LHFPL3: variants seen among roughly 807,000 people sequenced by gnomAD.
The protein encoded by LHFPL3 is LHFPL tetraspan subfamily member 3, also known as LHFPL tetraspan subfamily member 3 protein.
LHFPL3 carries 5 observed loss-of-function variants against 19.3 expected under a neutral mutation model. The ratio of observed to expected loss-of-function variants is 0.26; its 90% CI spans 0.14 to 0.54. The LOEUF (loss-of-function observed/expected upper bound fraction) is 0.54. Ranked by LOEUF, LHFPL3 falls within the 20% of genes least tolerant of loss-of-function variation. The pLI is 0.94. For synonymous variants in LHFPL3, 133 were observed against 126.2 expected (o/e 1.05, Z -0.36); for missense variants, 249 against 307.4 (o/e 0.81, Z 1.42).
At chr7:104,375,572 G>T (rs1163314300) in intron 1 of LHFPL3, among the ~76,000 whole-genome samples, 3 of 152,068 alleles carry the variant, frequency 2.0e-5, no homozygotes, top group Admixed American at 6.5e-5. Context: ...AATCAAAATA[G>T]TATAAAGCTA....
In LHFPL3 at chr7:104,339,248, CA is replaced by C. The variant is rs11384778; in HGVS notation, c.445+10034del. On this transcript the variant is annotated intron_variant, in intron 1 of 2. Transcript: ENST00000424859. Reference sequence around the variant, plus strand: ...GGGCAACAAGAGCGAAACTCCGTCTCAAAAAAAAAAGAAAAGAAATAATAAT... The same window carrying C: ...GGGCAACAAGAGCGAAACTCCGTCTCAAAAAAAAAGAAAAGAAATAATAAT... 8.4e-3 allele frequency among the ~76,000 whole-genome samples: 1,227 copies of C among 146,280 alleles called. 16 individuals carry two copies. The highest frequency in any genetic ancestry group is 0.027 in the African/African-American group (1,087 of 39,876).
chr7:104,780,402 C>T (rs1476607275), intron 2 of LHFPL3, among the ~76,000 whole-genome samples: 1 of 152,168 alleles, frequency 6.6e-6, no homozygotes, highest in African/African-American at 2.4e-5. Context: ...AAATCCAAAC[C>T]TGCCCTGAAG....
chr7:104,563,100 A>C (rs1452624481), intron 1 of LHFPL3, among the ~76,000 whole-genome samples: 1 of 152,074 alleles, frequency 6.6e-6, no homozygotes, highest in East Asian at 1.9e-4. Flanking sequence ...TCAGACAGGG[A>C]CATTTAAGTC....
At chr7:104,670,320 A>G (rs1419620319) in intron 1 of LHFPL3, among the ~76,000 whole-genome samples, 1 of 152,196 alleles carries the variant, frequency 6.6e-6, no homozygotes, top group Admixed American at 6.5e-5. Context: ...CAGCAAACAC[A>G]TGAATGGTTA....
chr7:104,330,806 A>G (rs1801553817), intron 1 of LHFPL3, among the ~76,000 whole-genome samples: 1 of 152,136 alleles, frequency 6.6e-6, no homozygotes, highest in African/African-American at 2.4e-5. Flanking sequence ...CAAGCAGAAT[A>G]ACTAAGATTT....
intron 1 of LHFPL3, among the ~76,000 whole-genome samples, chr7:104,512,597 G>T (rs761961628): frequency 4.5e-4 from 69 of 152,168 alleles, no homozygotes; most frequent in Non-Finnish European, 8.1e-4. Context: ...TTAGCCAGGC[G>T]TGGTGACAGA....
intron 2 of LHFPL3, among the ~76,000 whole-genome samples, chr7:104,838,274 G>T (rs1200688774): frequency 6.6e-6 from 1 of 152,140 alleles, no homozygotes; most frequent in African/African-American, 2.4e-5. Context: ...GGAGGAAATG[G>T]CTAGTTCTGT....
intron 2 of LHFPL3, among the ~76,000 whole-genome samples, chr7:104,814,090 C>T (rs1379997727): frequency 1.3e-5 from 2 of 152,180 alleles, no homozygotes; most frequent in Non-Finnish European, 2.9e-5. Flanking sequence ...TAGAACAGCT[C>T]AGAGGATGCC....
At chr7:104,414,708 T>G (rs1791589994) in intron 1 of LHFPL3, among the ~76,000 whole-genome samples, 2 of 152,238 alleles carry the variant, frequency 1.3e-5, no homozygotes, top group South Asian at 4.1e-4. Flanking sequence ...TTATTGACCT[T>G]CGCAGCTAAG....
At chr7:104,668,339 A>G (rs1792400212) in intron 1 of LHFPL3, 1 of 1,595,246 alleles carries the variant, frequency 6.3e-7, no homozygotes, top group Middle Eastern at 2.2e-4. Context: ...AAACAGATAC[A>G]GACTGGAGGG....
In LHFPL3 at chr7:104,356,250, A is replaced by C. The variant is rs116918936; in HGVS notation, c.445+27026A>C. 1.3e-4 allele frequency among the ~76,000 whole-genome samples: 20 copies of C among 152,342 alleles called. No individual in the cohort carries two copies. In the East Asian group the frequency reaches 3.9e-3, roughly 29 times the overall value. On this transcript the variant is annotated intron_variant, in intron 1 of 2. Coordinates refer to ENST00000424859, the MANE Select transcript of LHFPL3 (RefSeq NM_199000.3). ...AGGCAAGAAGGAGAGTAGAGTAGAT[A>C]AAAGAACCTCCTTTCTTGTTTCCTG... is the stretch of plus-strand genomic sequence containing the variant.
intron 1 of LHFPL3, among the ~76,000 whole-genome samples, chr7:104,486,061 G>A (rs973149291): frequency 6.6e-6 from 1 of 152,168 alleles, no homozygotes; most frequent in Admixed American, 6.6e-5. Context: ...GAATCATTAT[G>A]GCACATTGAG....
intron 1 of LHFPL3, among the ~76,000 whole-genome samples, chr7:104,510,171 G>A (rs1793782638): frequency 6.6e-6 from 1 of 151,966 alleles, no homozygotes; most frequent in Non-Finnish European, 1.5e-5. Flanking sequence ...ATTGATTATA[G>A]GTTTAGCACA....
intron 1 of LHFPL3, among the ~76,000 whole-genome samples, chr7:104,516,774 A>G (rs566129247): frequency 2.0e-4 from 30 of 152,248 alleles, no homozygotes; most frequent in Middle Eastern, 3.4e-3. Flanking sequence ...CTACCATTAG[A>G]CCCAATAATC....
At chr7:104,516,363 A>G (rs967938921) in intron 1 of LHFPL3, among the ~76,000 whole-genome samples, 4 of 152,160 alleles carry the variant, frequency 2.6e-5, no homozygotes, top group African/African-American at 4.8e-5. Context: ...GGGAAGTACA[A>G]TTCAAGATGT....
intron 1 of LHFPL3, among the ~76,000 whole-genome samples, chr7:104,523,097 T>TACAG (rs201444469): frequency 1.5e-3 from 151 of 99,858 alleles, no homozygotes; most frequent in African/African-American, 5.0e-3. Context: ...TATATACATA[T>TACAG]ACAGACATAT....
chr7:104,606,043 T>A (rs994550062), intron 1 of LHFPL3, among the ~76,000 whole-genome samples: 2 of 152,236 alleles, frequency 1.3e-5, no homozygotes, highest in African/African-American at 4.8e-5. Context: ...TTTTTATTTT[T>A]GGAAACAGGG....
intron 1 of LHFPL3, among the ~76,000 whole-genome samples, chr7:104,479,384 C>T (rs1015549173): frequency 7.9e-6 from 1 of 125,848 alleles, no homozygotes. Flanking sequence ...ATACAAGGTG[C>T]TTCTTCCACT....
At chr7:104,735,974 C>A (rs541036759) in intron 1 of LHFPL3, among the ~76,000 whole-genome samples, 2 of 152,212 alleles carry the variant, frequency 1.3e-5, no homozygotes, top group South Asian at 4.2e-4. Flanking sequence ...ATTTTATTTC[C>A]TTTGGACATA....
Sources: gnomAD v4.1 joint callset for allele counts (sites outside exome capture counted in the v4.1 genomes callset) on GRCh38, gnomAD v4.1.1 for gene constraint, MANE v1.5 for transcripts, NCBI Gene and HGNC (gene_info 2026-07-23, HGNC 2026-07-21) for gene names.